IMMP2L: variants seen among roughly 807,000 people sequenced by gnomAD.
IMMP2L encodes the protein inner mitochondrial membrane peptidase subunit 2, also known as mitochondrial inner membrane protease subunit 2.
A neutral mutation model predicts 19.3 loss-of-function variants in IMMP2L; 18 were observed. That is an observed-to-expected ratio of 0.93 (90% CI 0.64 to 1.38). IMMP2L has a LOEUF of 1.38. Ranked by LOEUF, IMMP2L falls within the 40% of genes most tolerant of loss-of-function variation. The probability of loss-of-function intolerance (pLI) is 0.00; values close to 1 mark genes in which losing one functional copy is unlikely to be tolerated. For synonymous variants in IMMP2L, 76 were observed against 73.0 expected (o/e 1.04, Z -0.21); for missense variants, 233 against 218.2 (o/e 1.07, Z -0.43).
In IMMP2L at chr7:111,197,147, G is replaced by A. The variant is rs74301834; in HGVS notation, c.240-233582C>T. Among the ~76,000 whole-genome samples, 7 of 152,062 alleles carry A rather than the reference G, an allele frequency of 4.6e-5. No homozygotes were observed. In the East Asian group the frequency reaches 1.4e-3, roughly 29 times the overall value. Reference sequence around the variant, plus strand: ...ACCAACTCTTACAACGATCACATAAGCCAACAAATTCCTTTAAAAATGAAC... The same window carrying A: ...ACCAACTCTTACAACGATCACATAAACCAACAAATTCCTTTAAAAATGAAC... On this transcript the variant is annotated intron_variant, in intron 3 of 5. Coordinates refer to ENST00000405709, the MANE Select transcript of IMMP2L (RefSeq NM_032549.4).
intron 3 of IMMP2L, among the ~76,000 whole-genome samples, chr7:111,395,618 G>A (rs1832786883): frequency 6.6e-6 from 1 of 152,226 alleles, no homozygotes; most frequent in South Asian, 2.1e-4. Flanking sequence ...TTATTCTGCT[G>A]TTGATAGTTT....
chr7:111,293,962 T>C (rs1821374028), intron 3 of IMMP2L, among the ~76,000 whole-genome samples: 1 of 151,968 alleles, frequency 6.6e-6, no homozygotes, highest in Non-Finnish European at 1.5e-5. Context: ...TTTATTTTAA[T>C]AGGATATTAA....
chr7:110,845,748 T>C (rs1484384157), intron 5 of IMMP2L, among the ~76,000 whole-genome samples: 1 of 152,070 alleles, frequency 6.6e-6, no homozygotes, highest in African/African-American at 2.4e-5. Context: ...AGTGTTTGTG[T>C]TCCCCCAAAA....
At chr7:110,794,388 C>A (rs1441400828) in intron 5 of IMMP2L, among the ~76,000 whole-genome samples, 1 of 152,000 alleles carries the variant, frequency 6.6e-6, no homozygotes, top group Non-Finnish European at 1.5e-5. Context: ...GTGAAGGAAG[C>A]CAGTCTGAAA....
intron 3 of IMMP2L, chr7:111,122,670 A>T: frequency 1.1e-6 from 1 of 907,640 alleles, no homozygotes; most frequent in Non-Finnish European, 1.7e-6. Flanking sequence ...TCATCATTTG[A>T]CAAATGCAAG....
intron 5 of IMMP2L, among the ~76,000 whole-genome samples, chr7:110,825,013 T>G (rs954522278): frequency 6.6e-6 from 1 of 152,106 alleles, no homozygotes; most frequent in African/African-American, 2.4e-5. Flanking sequence ...AAAATCAATG[T>G]GCAAAAATCA....
intron 3 of IMMP2L, among the ~76,000 whole-genome samples, chr7:111,446,832 C>G (rs1281164129): frequency 6.6e-6 from 1 of 151,478 alleles, no homozygotes; most frequent in South Asian, 2.1e-4. Flanking sequence ...GAATGTATAA[C>G]TAGAATAACC....
intron 5 of IMMP2L, among the ~76,000 whole-genome samples, chr7:110,861,575 T>G (rs1448388452): frequency 6.6e-6 from 1 of 152,004 alleles, no homozygotes; most frequent in South Asian, 2.1e-4. Flanking sequence ...TTTTAAACAA[T>G]TTTTTAATCC....
At chr7:110,879,026 G>A (rs751492624) in intron 5 of IMMP2L, among the ~76,000 whole-genome samples, 10 of 152,060 alleles carry the variant, frequency 6.6e-5, no homozygotes, top group Non-Finnish European at 1.3e-4. Flanking sequence ...ATTAGGGGAC[G>A]ATCTAATATT....
At chr7:111,509,163 G>C (rs1291433079) in intron 2 of IMMP2L, among the ~76,000 whole-genome samples, 2 of 151,950 alleles carry the variant, frequency 1.3e-5, no homozygotes, top group South Asian at 2.1e-4. Context: ...TTAAGAAAAT[G>C]GTTCTCAAAC....
chr7:111,377,190 G>C (rs1830747734), intron 3 of IMMP2L, among the ~76,000 whole-genome samples: 1 of 151,668 alleles, frequency 6.6e-6, no homozygotes, highest in African/African-American at 2.4e-5. Context: ...AAGTTGTATA[G>C]GTTTTTCTTA....
chr7:110,802,220 C>G (rs1289509778), intron 5 of IMMP2L, among the ~76,000 whole-genome samples: 3 of 151,900 alleles, frequency 2.0e-5, no homozygotes, highest in Non-Finnish European at 4.4e-5. Context: ...TATTAAAAAT[C>G]CTCTTCTGAA....
intron 4 of IMMP2L, among the ~76,000 whole-genome samples, chr7:110,921,762 A>G (rs1341444561): frequency 1.3e-5 from 2 of 152,206 alleles, no homozygotes; most frequent in Non-Finnish European, 2.9e-5. Flanking sequence ...GCATACCACA[A>G]AGAACATTAT....
chr7:111,226,659 T>C (rs766189225), intron 3 of IMMP2L, among the ~76,000 whole-genome samples: 9 of 152,118 alleles, frequency 5.9e-5, no homozygotes, highest in Admixed American at 2.0e-4. Flanking sequence ...TTTCTCTTTA[T>C]AGCAACATAA....
At chr7:111,035,970 T>C (rs555045006) in intron 3 of IMMP2L, among the ~76,000 whole-genome samples, 5 of 152,154 alleles carry the variant, frequency 3.3e-5, no homozygotes, top group South Asian at 2.1e-4. Context: ...CACAAAGTTA[T>C]TGTGAGGATT....
At chr7:111,553,000 C>T (rs12334278) in intron 1 of IMMP2L, among the ~76,000 whole-genome samples, 43 of 152,262 alleles carry the variant, frequency 2.8e-4, no homozygotes, top group African/African-American at 1.0e-3. Context: ...AATCTTTTAG[C>T]TCCAGTGATG....
intron 5 of IMMP2L, among the ~76,000 whole-genome samples, chr7:110,745,302 A>G (rs1428234915): frequency 2.6e-5 from 4 of 152,204 alleles, no homozygotes; most frequent in Non-Finnish European, 5.9e-5. Context: ...TGACGGGGAG[A>G]ATGGAACCAA....
At chr7:110,703,363 T>A (rs1344352346) in intron 5 of IMMP2L, among the ~76,000 whole-genome samples, 1 of 152,162 alleles carries the variant, frequency 6.6e-6, no homozygotes. Flanking sequence ...TCTTTGTGTC[T>A]ACCTTCACTG....
intron 4 of IMMP2L, among the ~76,000 whole-genome samples, chr7:110,895,143 G>A (rs1811194802): frequency 6.6e-6 from 1 of 152,152 alleles, no homozygotes; most frequent in Admixed American, 6.6e-5. Context: ...TGGCAGACAA[G>A]AGAAGAGAGC....
Sources: gnomAD v4.1 joint callset for allele counts (sites outside exome capture counted in the v4.1 genomes callset) on GRCh38, gnomAD v4.1.1 for gene constraint, MANE v1.5 for transcripts, NCBI Gene and HGNC (gene_info 2026-07-23, HGNC 2026-07-21) for gene names.